Variants in ICA1 observed in about 807,000 individuals in gnomAD.
ICA1 encodes 69 kDa islet cell autoantigen.
In ICA1, 40 loss-of-function variants were observed where a neutral mutation model predicts 71.0. That is an observed-to-expected ratio of 0.56 (90% CI 0.44 to 0.73). The LOEUF (loss-of-function observed/expected upper bound fraction) is 0.73. ICA1 is among the 30% of genes least tolerant of loss of function. ICA1 has a pLI of 0.00. For missense variants in ICA1, 578 were observed against 576.5 expected (o/e 1.00, Z -0.03); for synonymous variants, 207 against 209.5 (o/e 0.99, Z 0.10).
intron 6 of ICA1, among the ~76,000 whole-genome samples, chr7:8,197,241 A>G (rs1391384228): frequency 2.0e-5 from 3 of 151,914 alleles, no homozygotes; most frequent in Non-Finnish European, 2.9e-5. Flanking sequence ...AAAAATGTCT[A>G]CCATTTGCCA....
In ICA1 at chr7:8,173,088, T is replaced by C. The variant is rs890062288; in HGVS notation, c.580-14436A>G. Among the ~76,000 whole-genome samples the C allele has an allele frequency of 2.0e-5, 3 of 152,180 alleles. No homozygotes were observed. Among genetic ancestry groups the C allele is most frequent in the Admixed American group, 2.0e-4 (3 of 15,274 alleles). ...AATCATTTAAAATGCATTTTCTGGC[T>C]CTGTTCACTGTAAAGGTCTACAAGT... On this transcript the variant is annotated intron_variant, in intron 6 of 13. Transcript: ENST00000402384. The surrounding 1 kb of genome is among the most constrained non-coding windows in gnomAD (Gnocchi z 4.0).
intron 8 of ICA1, among the ~76,000 whole-genome samples, chr7:8,152,797 CCA>C (rs1799796691): frequency 5.4e-4 from 1 of 1,860 alleles, no homozygotes; most frequent in Non-Finnish European, 1.2e-3. Flanking sequence ...ACCATCACCT[CCA>C]CCACCACCAC....
intron 6 of ICA1, among the ~76,000 whole-genome samples, chr7:8,170,309 G>T (rs1317158590): frequency 6.6e-6 from 1 of 151,998 alleles, no homozygotes; most frequent in East Asian, 1.9e-4. Flanking sequence ...GTTTGAAATT[G>T]TTTTGCCCAT....
At chr7:8,164,511 T>G (rs190199022) in intron 6 of ICA1, among the ~76,000 whole-genome samples, 1 of 152,120 alleles carries the variant, frequency 6.6e-6, no homozygotes, top group South Asian at 2.1e-4. Context: ...GACTTAATGT[T>G]ATTGTCTAGC....
At chr7:8,165,818 A>AG (rs1805724996) in intron 6 of ICA1, among the ~76,000 whole-genome samples, 1 of 152,228 alleles carries the variant, frequency 6.6e-6, no homozygotes, top group Non-Finnish European at 1.5e-5. Flanking sequence ...CTATCCAGGA[A>AG]GGTGCAAAAT....
chr7:8,201,415 C>T (rs563393226), intron 6 of ICA1, among the ~76,000 whole-genome samples: 9 of 152,150 alleles, frequency 5.9e-5, no homozygotes, highest in East Asian at 1.9e-4. Context: ...CCTGCCCACC[C>T]GTTTCTGGGC....
At chr7:8,124,287 A>AT (rs1334939576) in intron 13 of ICA1, among the ~76,000 whole-genome samples, 3 of 150,688 alleles carry the variant, frequency 2.0e-5, no homozygotes, top group Non-Finnish European at 2.9e-5. Context: ...TGCCCAGCTA[A>AT]TTTTTGTATT....
chr7:8,209,753 G>GA (rs56668753), intron 6 of ICA1, among the ~76,000 whole-genome samples: 6 of 151,856 alleles, frequency 4.0e-5, no homozygotes, highest in African/African-American at 9.7e-5. Flanking sequence ...CTCCCTGAGG[G>GA]TCACGTGGCT....
intron 1 of ICA1, among the ~76,000 whole-genome samples, chr7:8,245,508 T>C (rs1180173375): frequency 6.6e-6 from 1 of 152,110 alleles, no homozygotes; most frequent in Admixed American, 6.5e-5. Flanking sequence ...TGTATACTTA[T>C]GTAATGAGCC....
chr7:8,261,334 T>C (rs1005773373), intron 1 of ICA1, among the ~76,000 whole-genome samples: 38 of 152,138 alleles, frequency 2.5e-4, no homozygotes, highest in African/African-American at 7.2e-4. Context: ...GAGAGCCGCT[T>C]TGGGGGAAAG....
At position 8,193,436 on chromosome 7, in the gene ICA1, T is replaced by C. The variant is rs144983256; in HGVS notation, c.579+24869A>G. Among the ~76,000 whole-genome samples, 1,302 of 152,326 alleles carry C rather than the reference T, an allele frequency of 8.5e-3. 11 individuals carry two copies. Among genetic ancestry groups the C allele is most frequent in the Non-Finnish European group, 0.013 (897 of 68,036 alleles). On this transcript the variant is annotated intron_variant, in intron 6 of 13. Transcript: ENST00000402384. ...TGTCCACAACTTATCTGCTCAATCC[T>C]GGAATGCACGAAGAATAGTTTCAGA...
intron 13 of ICA1, among the ~76,000 whole-genome samples, chr7:8,125,864 G>T (rs114818062): frequency 0.012 from 1,854 of 152,308 alleles, 25 homozygotes; most frequent in African/African-American, 0.04. Context: ...CGTAGCATGA[G>T]CTTGTGTTTC....
At position 8,157,234 on chromosome 7, in the gene ICA1, A is replaced by G. The variant is rs1459710474; in HGVS notation, c.706-20T>C. 1.9e-6 allele frequency: 3 copies of G among 1,582,040 alleles called. No individual in the cohort carries two copies. Among genetic ancestry groups the G allele is most frequent in the Non-Finnish European group, 2.6e-6 (3 of 1,168,196 alleles). On this transcript the variant is annotated intron_variant, in intron 7 of 13. Transcript: ENST00000402384. ...AGTGGTCTGCAAAGAAAGACAGTAA[A>G]GCTATTAATGTTTTGAATGCCCAGT...
At chr7:8,203,564 C>T (rs541268653) in intron 6 of ICA1, among the ~76,000 whole-genome samples, 1 of 152,270 alleles carries the variant, frequency 6.6e-6, no homozygotes, top group South Asian at 2.1e-4. Context: ...CTGAGCCCCA[C>T]CCCAGGCCTC....
intron 1 of ICA1, among the ~76,000 whole-genome samples, chr7:8,261,304 G>C (rs993152917): frequency 1.3e-5 from 2 of 152,148 alleles, no homozygotes; most frequent in South Asian, 2.1e-4. Flanking sequence ...CAAGTAAAAA[G>C]ACAGTGGGAA....
At chr7:8,186,707 G>A (rs1259049556) in intron 6 of ICA1, among the ~76,000 whole-genome samples, 1 of 152,034 alleles carries the variant, frequency 6.6e-6, no homozygotes, top group African/African-American at 2.4e-5. Context: ...CAGGAAAAGG[G>A]GCAGATCAGG....
Position 8,218,484 on chromosome 7 carries a change from A to G in ICA1, c.400T>C (p.Leu134=), listed in dbSNP as rs1239894057. 8 of 1,613,982 alleles carry G rather than the reference A, an allele frequency of 5.0e-6. No individual in the cohort carries two copies. The highest frequency in any genetic ancestry group is 1.6e-4 in the Middle Eastern group (1 of 6,082). ...SQQRLALRNP[L]CRFHQEVETF... ...TCCACTTCTTGGTGAAATCGACACA[A>G]AGGATTTCGTAAGGCCAACCTAGAC... The change falls in exon 6 of 14, where the codon TTG becomes CTG. Residue 134 remains leucine, a synonymous_variant. Transcript: ENST00000402384.
chr7:8,191,069 A>G (rs1411925075), intron 6 of ICA1, among the ~76,000 whole-genome samples: 2 of 152,194 alleles, frequency 1.3e-5, no homozygotes, highest in African/African-American at 4.8e-5. Flanking sequence ...TCTGACTCCA[A>G]TAAGCTTTTA....
intron 6 of ICA1, among the ~76,000 whole-genome samples, chr7:8,188,222 A>G (rs3807831): frequency 0.011 from 1,661 of 152,346 alleles, 30 homozygotes; most frequent in East Asian, 0.076. Context: ...AAAATAAATA[A>G]GATACTTTGA....
Sources: allele counts gnomAD v4.1 joint callset (sites outside exome capture counted in the v4.1 genomes callset), GRCh38; gene constraint gnomAD v4.1.1; non-coding constraint Gnocchi (gnomAD v3.1); transcripts MANE v1.5; gene names NCBI Gene and HGNC (gene_info 2026-07-23, HGNC 2026-07-21).